The following ALDH16A1 variants were observed in gnomAD, a reference collection of about 807,000 sequenced individuals.
The protein encoded by ALDH16A1 is aldehyde dehydrogenase family 16 member A1.
ALDH16A1 carries 88 observed loss-of-function variants against 96.1 expected under a neutral mutation model. The observed-to-expected ratio is 0.92, with a 90% confidence interval of 0.77 to 1.09. ALDH16A1 has a LOEUF of 1.09. Among genes scored for constraint, ALDH16A1 ranks in the 50% least tolerant of loss-of-function variants. The pLI is 0.00. For synonymous variants in ALDH16A1, 522 were observed against 496.4 expected, an observed-to-expected ratio of 1.05 and a Z score of -0.69; for missense variants, 1,250 against 1,112.6, an observed-to-expected ratio of 1.12 and a Z score of -1.76.
In ALDH16A1 at chr19:49,464,218, G is replaced by T; in HGVS notation, c.1286G>T (p.Ser429Ile). 6.2e-7 allele frequency: 1 copy of T among 1,605,566 alleles called. No individual in the cohort carries two copies. The highest frequency in any genetic ancestry group is 8.5e-7 in the Non-Finnish European group (1 of 1,179,522). Residue 429 changes from serine (S) to isoleucine (I), a missense_variant, in exon 10 of 17, where the codon AGT becomes ATT. By Grantham distance (142) the Ser-to-Ile change is moderately radical (BLOSUM62 -2). Coordinates refer to ENST00000293350, the MANE Select transcript of ALDH16A1 (RefSeq NM_153329.4). ...GGGACGCCCCGCGGGGGCAGCGCCA[G>T]TGTGTGGAGCGAGAGGCTGGGGCAG... ...ANGTPRGGSA[S>I]VWSERLGQAL...
chr19:49,458,355 G>A, intron 1 of ALDH16A1, 131 bp from the exon 2 acceptor site: 1 of 680,392 alleles, frequency 1.5e-6, no homozygotes, highest in East Asian at 2.7e-5. Flanking sequence ...TTTTTTTAAA[G>A]CAATAGGAGG....
intron 6 of ALDH16A1, 23 bp from the exon 7 acceptor site, chr19:49,461,861 G>T (rs1427902630): frequency 6.3e-7 from 1 of 1,594,816 alleles, no homozygotes; most frequent in Non-Finnish European, 8.5e-7. Context: ...TCCTCCTGCG[G>T]CTGAACTGGG....
chr19:49,470,217 CTCGTCAGTAACAG>C (rs1408693433), intron 16 of ALDH16A1, 76 bp from the exon 17 acceptor site: 15 of 1,506,198 alleles, frequency 1.0e-5, no homozygotes, highest in Admixed American at 3.7e-5. Flanking sequence ...CCTGAAGCCC[CTCGTCAGTAACAG>C]TCTTCATCGC....
At chr19:49,462,111 G>A (rs1441885620) in intron 7 of ALDH16A1, 75 bp downstream of exon 7, 2 of 1,434,648 alleles carry the variant, frequency 1.4e-6, no homozygotes, top group Non-Finnish European at 1.8e-6. Context: ...GGGGTCCCGA[G>A]TCTCTGTTCA....
Position 49,459,743 on chromosome 19 carries a change from C to T in ALDH16A1, c.394C>T (p.Arg132Ter), listed in dbSNP as rs534259783. Reference sequence around the variant, plus strand: ...ATCCCTGGTGACTGGGCGGGCTGTTCGAGAGGTTCGAGACGGGGACGTCCA... The same window carrying T: ...ATCCCTGGTGACTGGGCGGGCTGTTTGAGAGGTTCGAGACGGGGACGTCCA... The part of the protein sequence containing the change: ...LESLVTGRAV[R>*]EVRDGDVQLA... Residue 132 changes from arginine (R) to a stop codon, truncating the protein, a stop_gained, in exon 4 of 17, where the codon CGA (arginine) becomes TGA (stop). Coordinates refer to ENST00000293350, the MANE Select transcript of ALDH16A1 (RefSeq NM_153329.4). LOFTEE classifies it high-confidence loss of function. This position sits in a 1 kb window ranked among gnomAD's most constrained non-coding sequence, Gnocchi z 4.1. 4 of 1,613,658 alleles carry T rather than the reference C, an allele frequency of 2.5e-6. No individual in the cohort carries two copies. The highest frequency in any genetic ancestry group is 1.1e-5 in the South Asian group (1 of 91,054).
chr19:49,459,918 C>A lies in ALDH16A1; in HGVS notation c.499+70C>A. The A allele has an allele frequency of 6.6e-7, 1 of 1,506,080 alleles. No individual in the cohort carries two copies. The highest frequency in any genetic ancestry group is 1.4e-5 in the African/African-American group (1 of 69,482). 93.3% of individuals were successfully genotyped at this position (1,506,080 alleles called of 1,614,324 possible). A position where few individuals can be genotyped will look rare whatever the true frequency, so the allele number is the denominator to read the frequency against. On this transcript the variant is annotated intron_variant, in intron 4 of 16. Coordinates refer to ENST00000293350, the MANE Select transcript of ALDH16A1 (RefSeq NM_153329.4). The surrounding 1 kb of genome is among the most constrained non-coding windows in gnomAD (Gnocchi z 4.1). ...CAGTGCTAGCTCCAGTCCCCTCATTCTTTTTCTTTTAGACAGAGTTTCGCT... is the reference window on the plus strand; with the variant it reads ...CAGTGCTAGCTCCAGTCCCCTCATTATTTTTCTTTTAGACAGAGTTTCGCT...
At chr19:49,455,682 A>T (rs1369331696) in intron 1 of ALDH16A1, among the ~76,000 whole-genome samples, 5 of 151,708 alleles carry the variant, frequency 3.3e-5, no homozygotes, top group Non-Finnish European at 5.9e-5. Context: ...GATCACTCGC[A>T]CCTAGGAGTT....
At chr19:49,464,301 A>G (rs1303743138) in intron 10 of ALDH16A1, 38 bp downstream of exon 10, 2 of 1,594,512 alleles carry the variant, frequency 1.3e-6, no homozygotes, top group Non-Finnish European at 1.7e-6. Flanking sequence ...TCCTCTCCTC[A>G]TTCTTCCATC....
chr19:49,453,449 C>G (rs769986276), intron 1 of ALDH16A1, 28 bp downstream of exon 1: 17 of 1,508,524 alleles, frequency 1.1e-5, no homozygotes, highest in Non-Finnish European at 8.9e-7. Context: ...CGGCGCTGCT[C>G]GCTGCGTTCC....
intron 14 of ALDH16A1, among the ~76,000 whole-genome samples, chr19:49,467,935 A>G (rs919936296): frequency 6.6e-6 from 1 of 151,136 alleles, no homozygotes; most frequent in African/African-American, 2.4e-5. Context: ...TGGGCAGATC[A>G]CAAGGTCAAG....
At chr19:49,467,696 C>CT (rs1036965858) in intron 14 of ALDH16A1, among the ~76,000 whole-genome samples, 15 of 151,336 alleles carry the variant, frequency 9.9e-5, no homozygotes, top group East Asian at 3.9e-4. Context: ...ACCCGGCCTT[C>CT]TTTTTTTTAA....
At chr19:49,466,428 C>A (rs1601040326) in intron 14 of ALDH16A1, 145 bp downstream of exon 14, 1 of 858,326 alleles carries the variant, frequency 1.2e-6, no homozygotes, top group East Asian at 2.9e-5. Context: ...TCACCTCTCC[C>A]TACCTCAGTT....
At chr19:49,461,005 C>G in intron 5 of ALDH16A1, 106 bp downstream of exon 5, 1 of 1,252,356 alleles carries the variant, frequency 8.0e-7, no homozygotes, top group Non-Finnish European at 1.2e-6. Flanking sequence ...GGCCTGGACT[C>G]TGTGGAAGGA....
intron 1 of ALDH16A1, among the ~76,000 whole-genome samples, chr19:49,457,233 G>A (rs1426801316): frequency 6.6e-6 from 1 of 151,806 alleles, no homozygotes; most frequent in African/African-American, 2.4e-5. Flanking sequence ...CAGGGAAGAC[G>A]TGACCAGGAT....
Position 49,468,816 on chromosome 19 carries a change from G to T in ALDH16A1, c.2125-48G>T. ...GGCACCCCCTGAATGCCCACTCCTT[G>T]CCCTGCCCCCACGGCCTCCCCAACC... On this transcript the variant is annotated intron_variant, in intron 15 of 16. Coordinates refer to ENST00000293350, the MANE Select transcript of ALDH16A1 (RefSeq NM_153329.4). The surrounding 1 kb of genome is among the most constrained non-coding windows in gnomAD (Gnocchi z 4.4). 6.3e-7 allele frequency: 1 copy of T among 1,584,364 alleles called. No homozygotes were observed. The highest frequency in any genetic ancestry group is 8.6e-7 in the Non-Finnish European group (1 of 1,162,896).
At chr19:49,460,989 G>C (rs2079136821) in intron 5 of ALDH16A1, 90 bp downstream of exon 5, 3 of 1,398,698 alleles carry the variant, frequency 2.1e-6, no homozygotes, top group Non-Finnish European at 3.0e-6. Flanking sequence ...AGACAAGGGG[G>C]CTGGAGGCCT....
Position 49,464,255 on chromosome 19 carries a change from G to T in ALDH16A1, c.1323G>T (p.Leu441=). ...AGAGGCTGGGGCAGGCGCTGGAGCT[G>T]GGCTATGGGTCAGTCTGCGTGGCCC... ...WSERLGQALE[L]GYGLQVGTVW... is the part of the protein sequence containing the mutation. Residue 441 remains leucine, a synonymous_variant, in exon 10 of 17, where the codon CTG becomes CTT. Coordinates refer to ENST00000293350, the MANE Select transcript of ALDH16A1 (RefSeq NM_153329.4). 1 of 1,602,316 alleles carries T rather than the reference G, an allele frequency of 6.2e-7. No homozygotes were observed.
Position 49,459,946 on chromosome 19 carries a change from T to A in ALDH16A1, c.499+98T>A. 1 of 1,412,054 alleles carries A rather than the reference T, an allele frequency of 7.1e-7. No homozygotes were observed. Among genetic ancestry groups the A allele is most frequent in the South Asian group, 1.4e-5 (1 of 71,454 alleles). The allele number at this position is 1,412,054 out of a possible 1,614,324, so 87.5% of individuals were successfully genotyped here. A position where few individuals can be genotyped will look rare whatever the true frequency, so the allele number is the denominator to read the frequency against. ...TTTCTTTTAGACAGAGTTTCGCTCTTGTCGCCCAGGCCGGAGTGCAGTGGC... is the reference window on the plus strand; with the variant it reads ...TTTCTTTTAGACAGAGTTTCGCTCTAGTCGCCCAGGCCGGAGTGCAGTGGC... On this transcript the variant is annotated intron_variant, in intron 4 of 16. Transcript: ENST00000293350. This position sits in a 1 kb window ranked among gnomAD's most constrained non-coding sequence, Gnocchi z 4.1.
At chr19:49,464,550 C>T (rs2079182000) in intron 11 of ALDH16A1, 28 bp downstream of exon 11, 3 of 1,612,478 alleles carry the variant, frequency 1.9e-6, no homozygotes, top group East Asian at 2.2e-5. Context: ...CCGTCACCAG[C>T]CCCCCCGCCG....
Sources: gnomAD v4.1 joint callset for allele counts (sites outside exome capture counted in the v4.1 genomes callset) on GRCh38, gnomAD v4.1.1 for gene constraint, Gnocchi (gnomAD v3.1) non-coding constraint, MANE v1.5 for transcripts, NCBI Gene and HGNC (gene_info 2026-07-23, HGNC 2026-07-21) for gene names.